Variants in PALLD observed in about 807,000 individuals in gnomAD.
The protein encoded by PALLD is palladin.
Under a neutral mutation model 123.5 loss-of-function variants are expected in PALLD, and 61 were observed. That is an observed-to-expected ratio of 0.49 (90% confidence interval 0.40 to 0.61). PALLD has a LOEUF of 0.61. PALLD is among the 20% of genes least tolerant of loss of function. The pLI, the probability that PALLD is intolerant of heterozygous loss-of-function variation, is 0.00. For synonymous variants in PALLD, 465 were observed against 496.4 expected (o/e 0.94, Z 0.84); for missense variants, 1,273 against 1,377.0 (o/e 0.92, Z 1.20).
chr4:168,508,673 A>T (rs1762247359), intron 1 of PALLD, among the ~76,000 whole-genome samples: 1 of 152,244 alleles, frequency 6.6e-6, no homozygotes, highest in African/African-American at 2.4e-5. Flanking sequence ...TAACAAATAA[A>T]AAACACAGTA....
intron 2 of PALLD, among the ~76,000 whole-genome samples, chr4:168,615,708 G>C (rs935552634): frequency 1.3e-5 from 2 of 152,174 alleles, no homozygotes; most frequent in South Asian, 2.1e-4. Context: ...CCAGCCAAGG[G>C]GGGTGCTTGT....
In PALLD at chr4:168,751,044, C is replaced by G. The variant is rs1236956928; in HGVS notation, c.1964+39121C>G. Among the ~76,000 whole-genome samples, 3 of 148,642 alleles carry G rather than the reference C, an allele frequency of 2.0e-5. No individual in the cohort carries two copies. In the East Asian group the frequency reaches 5.9e-4, roughly 29 times the overall value. ...TTTTTTTTTTTGAGATGGAGTTTTG[C>G]TATTGTTGCCCAGGCTGGAGTGTAA... On this transcript the variant is annotated intron_variant, in intron 10 of 21. Coordinates refer to ENST00000505667, the MANE Select transcript of PALLD (RefSeq NM_001166108.2).
chr4:168,814,060 C>T (rs1486835060), intron 10 of PALLD, among the ~76,000 whole-genome samples: 1 of 151,934 alleles, frequency 6.6e-6, no homozygotes, highest in African/African-American at 2.4e-5. Flanking sequence ...GAAGCAACAA[C>T]AAAAAAATGT....
intron 10 of PALLD, among the ~76,000 whole-genome samples, chr4:168,721,287 C>T (rs143922343): frequency 2.1e-3 from 315 of 152,168 alleles, no homozygotes; most frequent in Middle Eastern, 0.014. Flanking sequence ...TGGGTAGAGA[C>T]CTTTTATTTT....
At chr4:168,713,246 C>G (rs2150220528) in intron 10 of PALLD, among the ~76,000 whole-genome samples, 1 of 152,314 alleles carries the variant, frequency 6.6e-6, no homozygotes, top group Non-Finnish European at 1.5e-5. Flanking sequence ...CATCTCCATT[C>G]AGAGGCTGAA....
intron 10 of PALLD, among the ~76,000 whole-genome samples, chr4:168,749,560 A>C (rs567734924): frequency 6.6e-6 from 1 of 152,254 alleles, no homozygotes; most frequent in South Asian, 2.1e-4. Context: ...TGCAAAAATT[A>C]GCTGGGCATC....
intron 10 of PALLD, among the ~76,000 whole-genome samples, chr4:168,731,023 ACTTTCAGCCAGT>A (rs897933313): frequency 1.3e-5 from 2 of 152,078 alleles, no homozygotes; most frequent in African/African-American, 4.8e-5. Flanking sequence ...CTTCCTACAA[ACTTTCAGCCAGT>A]CTTCTTGTAC....
chr4:168,511,399 A>G (rs1762517952), intron 1 of PALLD, 24 bp from the exon 2 acceptor site: 7 of 820,518 alleles, frequency 8.5e-6, no homozygotes, highest in Non-Finnish European at 1.4e-5. Flanking sequence ...ATTGCTACTA[A>G]TGACATTCTA....
chr4:168,522,721 C>A (rs1259735137), intron 2 of PALLD, among the ~76,000 whole-genome samples: 1 of 152,120 alleles, frequency 6.6e-6, no homozygotes. Context: ...GACCAAGATG[C>A]AAAATAGTTC....
intron 2 of PALLD, among the ~76,000 whole-genome samples, chr4:168,534,717 T>A (rs954152380): frequency 6.6e-6 from 1 of 152,198 alleles, no homozygotes; most frequent in Non-Finnish European, 1.5e-5. Context: ...CATACTGACA[T>A]CTTTTCAACC....
chr4:168,838,014 C>G (rs1475499407), intron 10 of PALLD, among the ~76,000 whole-genome samples: 1 of 152,158 alleles, frequency 6.6e-6, no homozygotes, highest in African/African-American at 2.4e-5. Context: ...GTAGAGAATA[C>G]AGGCTGAAGG....
intron 10 of PALLD, among the ~76,000 whole-genome samples, chr4:168,769,487 C>G (rs1581381636): frequency 6.6e-6 from 1 of 152,162 alleles, no homozygotes; most frequent in African/African-American, 2.4e-5. Flanking sequence ...CCGGGCTGGT[C>G]TCAAAGCCGT....
chr4:168,557,998 C>G (rs1459887375), intron 2 of PALLD, among the ~76,000 whole-genome samples: 1 of 152,180 alleles, frequency 6.6e-6, no homozygotes, highest in Non-Finnish European at 1.5e-5. Context: ...AAAACCAGCT[C>G]TTTTTCTCAT....
At chr4:168,806,665 T>G (rs1211676539) in intron 10 of PALLD, among the ~76,000 whole-genome samples, 1 of 152,244 alleles carries the variant, frequency 6.6e-6, no homozygotes, top group Non-Finnish European at 1.5e-5. Flanking sequence ...AGGCTGCTAT[T>G]CACTTATTAT....
intron 2 of PALLD, among the ~76,000 whole-genome samples, chr4:168,513,081 A>T (rs28667820): frequency 0.29 from 44,196 of 151,622 alleles, 6,510 homozygotes; most frequent in Non-Finnish European, 0.33. Flanking sequence ...AAAAAAAAAG[A>T]TTCTCATATA....
At chr4:168,830,385 C>T (rs1328944329) in intron 10 of PALLD, among the ~76,000 whole-genome samples, 2 of 151,630 alleles carry the variant, frequency 1.3e-5, no homozygotes, top group East Asian at 3.9e-4. Context: ...TTTAAATTAG[C>T]TGGGTATGAT....
At chr4:168,536,902 AC>A (rs1310011001) in intron 2 of PALLD, among the ~76,000 whole-genome samples, 1 of 149,804 alleles carries the variant, frequency 6.7e-6, no homozygotes, top group Non-Finnish European at 1.5e-5. Context: ...ATCTCGGCTC[AC>A]TGCAAGCTCC....
At chr4:168,603,432 A>T (rs946631854) in intron 2 of PALLD, among the ~76,000 whole-genome samples, 7 of 152,238 alleles carry the variant, frequency 4.6e-5, no homozygotes, top group Non-Finnish European at 8.8e-5. Flanking sequence ...AATGTTATAC[A>T]GATGAAAATG....
intron 8 of PALLD, among the ~76,000 whole-genome samples, chr4:168,707,501 C>T (rs536658891): frequency 6.6e-6 from 1 of 152,308 alleles, no homozygotes; most frequent in South Asian, 2.1e-4. Flanking sequence ...TTAGCACAGC[C>T]TTGTTCACCT....
Sources: allele counts gnomAD v4.1 joint callset (sites outside exome capture counted in the v4.1 genomes callset), GRCh38; gene constraint gnomAD v4.1.1; transcripts MANE v1.5; gene names NCBI Gene and HGNC (gene_info 2026-07-23, HGNC 2026-07-21).